Variants in HECW1 observed in about 807,000 individuals in gnomAD.
HECW1 encodes the protein E3 ubiquitin-protein ligase HECW1.
Under a neutral mutation model 182.3 loss-of-function variants are expected in HECW1, and 61 were observed. The observed-to-expected ratio is 0.33, with a 90% CI of 0.27 to 0.41. The LOEUF (loss-of-function observed/expected upper bound fraction) is 0.41. Ranked by LOEUF, HECW1 falls within the 10% of genes least tolerant of loss-of-function variation. The pLI is 1.00. For synonymous variants in HECW1, 859 were observed against 832.6 expected (o/e 1.03, Z -0.55); for missense variants, 1,739 against 2,108.9 (o/e 0.82, Z 3.44).
intron 17 of HECW1, chr7:43,484,122 T>C (rs2078540346): frequency 6.6e-6 from 1 of 152,216 alleles, no homozygotes; most frequent in Admixed American, 6.5e-5. Context: ...GTATCAATCA[T>C]TGTTCATTCC....
chr7:43,208,896 G>A (rs1190194740), intron 2 of HECW1, among the ~76,000 whole-genome samples: 1 of 152,210 alleles, frequency 6.6e-6, no homozygotes, highest in Non-Finnish European at 1.5e-5. Flanking sequence ...TGGAGGCTGA[G>A]GCCCGGATCT....
At chr7:43,347,818 C>T (rs1376988129) in intron 5 of HECW1, among the ~76,000 whole-genome samples, 1 of 152,182 alleles carries the variant, frequency 6.6e-6, no homozygotes, top group East Asian at 1.9e-4. Context: ...TGGTATATCA[C>T]ATTTATTGAC....
At chr7:43,184,835 TAC>T (rs1437035331) in intron 2 of HECW1, among the ~76,000 whole-genome samples, 1 of 152,024 alleles carries the variant, frequency 6.6e-6, no homozygotes, top group African/African-American at 2.4e-5. Flanking sequence ...TCAGAAAACT[TAC>T]AGTGATAGCG....
intron 5 of HECW1, among the ~76,000 whole-genome samples, chr7:43,355,846 G>T (rs1562878445): frequency 6.6e-6 from 1 of 151,824 alleles, no homozygotes; most frequent in Admixed American, 6.6e-5. Flanking sequence ...AAAATTAGCT[G>T]GGTGTGGTGG....
intron 2 of HECW1, among the ~76,000 whole-genome samples, chr7:43,160,128 G>C (rs1790378307): frequency 6.6e-6 from 1 of 152,044 alleles, no homozygotes; most frequent in African/African-American, 2.4e-5. Flanking sequence ...TTGTCCCTTT[G>C]CACTTACTGA....
In HECW1 at chr7:43,463,808, G is replaced by A. The variant is rs771010538; in HGVS notation, c.2791+9G>A. The A allele has an allele frequency of 1.2e-6, 2 of 1,613,122 alleles. No individual in the cohort carries two copies. Among genetic ancestry groups the A allele is most frequent in the East Asian group, 4.5e-5 (2 of 44,860 alleles). ...TTCCCAGTCCAGCTTAGGTATTGGA[G>A]GAGGGGTCCCCACAACCTGTGATGG... On this transcript the variant is annotated intron_variant, in intron 14 of 29. Transcript: ENST00000395891.
chr7:43,254,230 A>G (rs1230973506), intron 3 of HECW1, among the ~76,000 whole-genome samples: 1 of 152,176 alleles, frequency 6.6e-6, no homozygotes, highest in Non-Finnish European at 1.5e-5. Flanking sequence ...TTCAAATCCC[A>G]GGAGACCAAA....
intron 8 of HECW1, among the ~76,000 whole-genome samples, chr7:43,417,535 G>A (rs2076050747): frequency 6.6e-6 from 1 of 151,944 alleles, no homozygotes; most frequent in Admixed American, 6.6e-5. Context: ...ATAGAATTCT[G>A]GGTTAACTGG....
intron 2 of HECW1, among the ~76,000 whole-genome samples, chr7:43,205,651 C>G (rs1446464023): frequency 6.6e-6 from 1 of 152,226 alleles, no homozygotes; most frequent in Non-Finnish European, 1.5e-5. Context: ...GTTGTACACT[C>G]CACAGCATGC....
chr7:43,455,186 G>A (rs556129152), intron 12 of HECW1, among the ~76,000 whole-genome samples: 15 of 151,340 alleles, frequency 9.9e-5, no homozygotes, highest in African/African-American at 3.2e-4. Flanking sequence ...TCTTTATCTC[G>A]GGCTCCCTCT....
At chr7:43,405,794 C>T (rs1258550325) in intron 7 of HECW1, among the ~76,000 whole-genome samples, 1 of 152,206 alleles carries the variant, frequency 6.6e-6, no homozygotes, top group Non-Finnish European at 1.5e-5. Flanking sequence ...AGCCAAGAGC[C>T]AACCTTATAA....
At chr7:43,236,640 A>G (rs1263711060) in intron 2 of HECW1, among the ~76,000 whole-genome samples, 3 of 152,190 alleles carry the variant, frequency 2.0e-5, no homozygotes, top group Non-Finnish European at 4.4e-5. Context: ...TGAATACTCA[A>G]TGTAGTCTGG....
intron 24 of HECW1, among the ~76,000 whole-genome samples, chr7:43,518,495 C>CA (rs1228480309): frequency 0.016 from 1,931 of 124,428 alleles, 46 homozygotes; most frequent in African/African-American, 0.049. Context: ...GACACCATCT[C>CA]AAAAAAAAAA....
intron 7 of HECW1, among the ~76,000 whole-genome samples, chr7:43,399,933 C>T (rs2075351426): frequency 6.6e-6 from 1 of 152,144 alleles, no homozygotes; most frequent in Non-Finnish European, 1.5e-5. Flanking sequence ...ACTGTTGAAA[C>T]TATCAAAATA....
chr7:43,119,920 CT>C (rs1459175893), intron 2 of HECW1, among the ~76,000 whole-genome samples: 1 of 152,212 alleles, frequency 6.6e-6, no homozygotes, highest in East Asian at 1.9e-4. Flanking sequence ...CCTTGCCCAT[CT>C]GCAGTCTGTT....
chr7:43,331,061 G>A (rs1336823871), intron 5 of HECW1, among the ~76,000 whole-genome samples: 1 of 151,928 alleles, frequency 6.6e-6, no homozygotes, highest in Non-Finnish European at 1.5e-5. Flanking sequence ...ACGTATACAT[G>A]TGCCATGTTG....
At chr7:43,502,769 T>A (rs1219607057) in intron 21 of HECW1, among the ~76,000 whole-genome samples, 1 of 152,238 alleles carries the variant, frequency 6.6e-6, no homozygotes, top group Non-Finnish European at 1.5e-5. Flanking sequence ...AATTTTTCCA[T>A]TCGTATTTGA....
At chr7:43,283,232 A>C (rs1235476732) in intron 3 of HECW1, among the ~76,000 whole-genome samples, 1 of 151,084 alleles carries the variant, frequency 6.6e-6, no homozygotes, top group African/African-American at 2.5e-5. Flanking sequence ...AATCAAAACT[A>C]ATTTCATTGC....
chr7:43,216,256 C>T (rs1642007745), intron 2 of HECW1, among the ~76,000 whole-genome samples: 1 of 152,026 alleles, frequency 6.6e-6, no homozygotes, highest in South Asian at 2.1e-4. Flanking sequence ...AGTGATTCTT[C>T]AGCCTCAGCC....
Sources: allele counts gnomAD v4.1 joint callset (sites outside exome capture counted in the v4.1 genomes callset), GRCh38; gene constraint gnomAD v4.1.1; transcripts MANE v1.5; gene names NCBI Gene and HGNC (gene_info 2026-07-23, HGNC 2026-07-21).